TENM3: variants seen among roughly 807,000 people sequenced by gnomAD.
TENM3 encodes the protein teneurin transmembrane protein 3.
TENM3 carries 63 observed loss-of-function variants against 255.1 expected under a neutral mutation model. The observed-to-expected ratio is 0.25, with a 90% CI of 0.20 to 0.30. The LOEUF is 0.30. Among genes scored for constraint, TENM3 ranks in the 10% least tolerant of loss-of-function variants. The pLI is 1.00. For synonymous variants in TENM3, 1,306 were observed against 1,322.3 expected, an observed-to-expected ratio of 0.99 and a Z score of 0.27; for missense variants, 2,929 against 3,461.1, an observed-to-expected ratio of 0.85 and a Z score of 3.86.
At chr4:182,497,047 A>T (rs1045152939) in intron 3 of TENM3, among the ~76,000 whole-genome samples, 3 of 151,146 alleles carry the variant, frequency 2.0e-5, no homozygotes, top group Non-Finnish European at 2.9e-5. Context: ...ACTGGGAGCC[A>T]TCCACTTACA....
the TENM3 span, among the ~76,000 whole-genome samples, chr4:181,954,921 A>G: frequency 1.3e-4 from 20 of 152,316 alleles, no homozygotes; most frequent in Non-Finnish European, 2.5e-4. Context: ...TCGTTCATAT[A>G]TATACACTTA....
At chr4:182,147,678 T>C (rs1298312365) in intron 1 of TENM3, among the ~76,000 whole-genome samples, 2 of 152,122 alleles carry the variant, frequency 1.3e-5, no homozygotes, top group African/African-American at 4.8e-5. Flanking sequence ...AGGGCATACT[T>C]TTTTTTACTT....
chr4:182,341,198 A>T (rs74893951), intron 2 of TENM3, among the ~76,000 whole-genome samples: 2 of 152,256 alleles, frequency 1.3e-5, no homozygotes, highest in East Asian at 3.9e-4. Flanking sequence ...AAGAAAATAT[A>T]TTTGTTTTTT....
the TENM3 span, among the ~76,000 whole-genome samples, chr4:181,708,372 CA>C: frequency 6.6e-6 from 1 of 152,048 alleles, no homozygotes; most frequent in African/African-American, 2.4e-5. Flanking sequence ...CCAGATTAGA[CA>C]AACTGGTACC....
intron 3 of TENM3, among the ~76,000 whole-genome samples, chr4:182,479,457 G>A (rs1469263134): frequency 1.3e-5 from 2 of 151,754 alleles, no homozygotes; most frequent in African/African-American, 4.8e-5. Flanking sequence ...CCTAAACTCA[G>A]GCTTATGAGT....
chr4:182,312,316 C>G (rs893927221), intron 1 of TENM3, among the ~76,000 whole-genome samples: 1 of 152,120 alleles, frequency 6.6e-6, no homozygotes, highest in Admixed American at 6.5e-5. Context: ...GAGCTGTGAT[C>G]GTACCACCGT....
chr4:182,411,174 C>T (rs1769958169), intron 3 of TENM3, among the ~76,000 whole-genome samples: 1 of 152,226 alleles, frequency 6.6e-6, no homozygotes. Flanking sequence ...GCTTCCTTCA[C>T]TCTCGAGCCC....
intron 4 of TENM3, among the ~76,000 whole-genome samples, chr4:182,626,098 T>C (rs1435038884): frequency 2.6e-5 from 4 of 152,332 alleles, no homozygotes; most frequent in African/African-American, 9.6e-5. Context: ...ATGCATTGTC[T>C]ATGGCGGCTT....
intron 3 of TENM3, among the ~76,000 whole-genome samples, chr4:182,517,198 T>TA (rs1045689216): frequency 6.6e-6 from 1 of 152,046 alleles, no homozygotes; most frequent in African/African-American, 2.4e-5. Context: ...GCCGAGAATA[T>TA]AAAAAACATA....
the TENM3 span, among the ~76,000 whole-genome samples, chr4:181,680,835 A>G: frequency 6.6e-6 from 1 of 152,088 alleles, no homozygotes; most frequent in African/African-American, 2.4e-5. Flanking sequence ...CATTGACTTT[A>G]CGTTTTCCAA....
the TENM3 span, among the ~76,000 whole-genome samples, chr4:181,937,075 G>A: frequency 6.6e-6 from 1 of 152,314 alleles, no homozygotes; most frequent in South Asian, 2.1e-4. Flanking sequence ...CCTGTGATCT[G>A]CAGGATAAGA....
the TENM3 span, among the ~76,000 whole-genome samples, chr4:181,784,403 ATACT>A: frequency 6.6e-6 from 1 of 152,214 alleles, no homozygotes; most frequent in East Asian, 1.9e-4. Flanking sequence ...ACAATAAAAC[ATACT>A]TAATAATAAT....
chr4:181,939,833 T>C, the TENM3 span, among the ~76,000 whole-genome samples: 1 of 152,204 alleles, frequency 6.6e-6, no homozygotes, highest in South Asian at 2.1e-4. Flanking sequence ...TGGTTTTATT[T>C]TAGTCCTTTT....
chr4:181,623,006 T>C, the TENM3 span, among the ~76,000 whole-genome samples: 1 of 152,206 alleles, frequency 6.6e-6, no homozygotes, highest in East Asian at 1.9e-4. Context: ...AGAAGGGACA[T>C]TGATAAACCC....
chr4:182,720,612 G>A (rs1759639836), intron 13 of TENM3, among the ~76,000 whole-genome samples: 1 of 152,124 alleles, frequency 6.6e-6, no homozygotes, highest in Admixed American at 6.5e-5. Flanking sequence ...CCCATTCTGG[G>A]GGAAGAACAT....
At chr4:182,417,522 T>A (rs1405971311) in intron 3 of TENM3, among the ~76,000 whole-genome samples, 1 of 152,122 alleles carries the variant, frequency 6.6e-6, no homozygotes, top group Non-Finnish European at 1.5e-5. Flanking sequence ...TTTGCTAACA[T>A]CAACTTTTAG....
the TENM3 span, among the ~76,000 whole-genome samples, chr4:181,917,956 C>T: frequency 6.6e-6 from 1 of 152,114 alleles, no homozygotes; most frequent in Admixed American, 6.6e-5. Context: ...GCCACCGTGC[C>T]CGGCCTGTTC....
chr4:182,000,449 T>C, the TENM3 span, among the ~76,000 whole-genome samples: 8 of 152,210 alleles, frequency 5.3e-5, no homozygotes, highest in African/African-American at 1.7e-4. Flanking sequence ...AAAAGCACTT[T>C]CCAGGGGAGT....
chr4:182,360,932 C>T (rs1243400484), intron 3 of TENM3, among the ~76,000 whole-genome samples: 7 of 152,124 alleles, frequency 4.6e-5, no homozygotes, highest in African/African-American at 1.7e-4. Context: ...GACAAAATCT[C>T]TTAGCATTTG....
Sources: gnomAD v4.1 joint callset for allele counts (sites outside exome capture counted in the v4.1 genomes callset) on GRCh38, gnomAD v4.1.1 for gene constraint, MANE v1.5 for transcripts, NCBI Gene and HGNC (gene_info 2026-07-23, HGNC 2026-07-21) for gene names.